The following ZFP92 variants were observed in gnomAD, a reference collection of about 807,000 sequenced individuals.
ZFP92 encodes the protein ZFP92 zinc finger protein.
In ZFP92, 2 loss-of-function variants were observed where a neutral mutation model predicts 7.6. That is an observed-to-expected ratio of 0.26 (90% CI 0.11 to 0.83). The LOEUF is 0.83. Ranked by LOEUF, ZFP92 falls within the 40% of genes least tolerant of loss-of-function variation. The pLI, the probability that ZFP92 is intolerant of heterozygous loss-of-function variation, is 0.65. For synonymous variants in ZFP92, 226 were observed against 183.6 expected (o/e 1.23, Z -1.87); for missense variants, 324 against 408.3 (o/e 0.79, Z 1.78).
chrX:153,417,353 C>T (rs2088960810), intron 2 of ZFP92, among the ~76,000 whole-genome samples: 3 of 112,391 alleles, frequency 2.7e-5, no homozygotes, highest in East Asian at 2.8e-4. Context: ...TGTTGGCTGG[C>T]TACTCTCTTT....
rs1372957407 is a variant in ZFP92 at position 153,422,496 on chromosome X, GCCCACTGC to G, written c.*870_*877del. On this transcript the variant is annotated 3_prime_UTR_variant, in exon 6 of 6. Coordinates refer to ENST00000338647, the MANE Select transcript of ZFP92 (RefSeq NM_001136273.2). Reference sequence around the variant, plus strand: ...CCAGGCTTTGCTTTCCCCCCTGCCCGCCCACTGCCTTCTGCTCCCCAGACCCCACCAGC... The same window carrying G: ...CCAGGCTTTGCTTTCCCCCCTGCCCGCTTCTGCTCCCCAGACCCCACCAGC... 9.3e-6 allele frequency: 1 copy of G among 107,080 alleles called. No individual in the cohort carries two copies. The highest frequency in any genetic ancestry group is 3.5e-5 in the African/African-American group (1 of 28,968). 8.8% of individuals were successfully genotyped at this position (107,080 alleles called of 1,213,427 possible).
intron 2 of ZFP92, among the ~76,000 whole-genome samples, chrX:153,417,900 G>T (rs1556974073): frequency 8.9e-6 from 1 of 111,879 alleles, no homozygotes; most frequent in African/African-American, 3.3e-5. Flanking sequence ...AACAGACCAG[G>T]GAAATTGGGA....
At chrX:153,417,748 A>G (rs782460779) in intron 2 of ZFP92, among the ~76,000 whole-genome samples, 1 of 112,188 alleles carries the variant, frequency 8.9e-6, no homozygotes, top group East Asian at 2.8e-4. Flanking sequence ...GGTGCCCCCC[A>G]AAAAGACATA....
chrX:153,418,230 G>T (rs946062016), intron 2 of ZFP92, 75 bp from the exon 3 acceptor site: 1 of 1,085,403 alleles, frequency 9.2e-7, no homozygotes, highest in Middle Eastern at 2.4e-4. Context: ...AACTAAGCAG[G>T]GTCTTCAAGC....
At chrX:153,420,083 G>T in intron 4 of ZFP92, 145 bp from the exon 5 acceptor site, 1 of 452,116 alleles carries the variant, frequency 2.2e-6, no homozygotes, top group Non-Finnish European at 3.6e-6. Context: ...AGAGGGACTT[G>T]GCCCTTTCTC....
At chrX:153,417,399 A>AT (rs2088961545) in intron 2 of ZFP92, among the ~76,000 whole-genome samples, 1 of 110,585 alleles carries the variant, frequency 9.0e-6, no homozygotes. Context: ...CCTGAATGTC[A>AT]CCCCTTCAGA....
chrX:153,420,263 T>C lies in ZFP92; in HGVS notation c.196T>C (p.Leu66=), dbSNP rs1255494692. 5.1e-6 allele frequency: 6 copies of C among 1,167,284 alleles called. No individual in the cohort carries two copies. The South Asian group carries it at 9.5e-5, about 18-fold the overall frequency. The part of the protein sequence containing the change: ...SFSKPHLISQ[L]ERGEGPWVAD... ...CTCCAAGCCTCACCTGATCTCCCAA[T>C]TGGAACGAGGGGAAGGACCCTGGGT... Residue 66 remains leucine, a synonymous_variant, in exon 5 of 6, where the codon TTG becomes CTG. Transcript: ENST00000338647.
intron 2 of ZFP92, among the ~76,000 whole-genome samples, chrX:153,416,081 C>T (rs782767630): frequency 9.9e-5 from 11 of 111,410 alleles, no homozygotes; most frequent in South Asian, 3.8e-4. Flanking sequence ...GCAGAGGATA[C>T]GGGACCCGTT....
rs1320274174 is a variant in ZFP92, at chrX:153,411,620, T to C, written c.-151T>C. ...CCTGGGGACGCGGCCTCGGAGGGCT[T>C]CTAGGAGGAGGCGGCGGCCTTGGCC... On this transcript the variant is annotated 5_prime_UTR_variant, in exon 1 of 6. Coordinates refer to ENST00000338647, the MANE Select transcript of ZFP92 (RefSeq NM_001136273.2). Among the ~76,000 whole-genome samples the C allele has an allele frequency of 2.7e-5, 3 of 112,443 alleles. No individual in the cohort carries two copies. The highest frequency in any genetic ancestry group is 5.7e-5 in the Non-Finnish European group (3 of 52,979).
At position 153,421,554 on chromosome X, in the gene ZFP92, G is replaced by C; in HGVS notation, c.1177G>C (p.Gly393Arg). The C allele has an allele frequency of 9.2e-7, 1 of 1,089,859 alleles. No individual in the cohort carries two copies. Among genetic ancestry groups the C allele is most frequent in the Non-Finnish European group, 1.2e-6 (1 of 844,033 alleles). 89.8% of individuals were successfully genotyped at this position (1,089,859 alleles called of 1,213,427 possible). Residue 393 changes from glycine (G) to arginine (R), a missense_variant, in exon 6 of 6, where the codon GGG becomes CGG. Coordinates refer to ENST00000338647, the MANE Select transcript of ZFP92 (RefSeq NM_001136273.2). ...AGCGGGCCCTGGGAGCACCGGCCCTGGGAGCGCGGTGGCGGCCACCAGCCC... is the reference window on the plus strand; with the variant it reads ...AGCGGGCCCTGGGAGCACCGGCCCTCGGAGCGCGGTGGCGGCCACCAGCCC... ...RLAGPGSTGPGSAVAATSPPR... is the reference protein window; with the variant it reads ...RLAGPGSTGPRSAVAATSPPR...
In ZFP92 at chrX:153,420,389, A is replaced by C; in HGVS notation, c.265+57A>C. On this transcript the variant is annotated intron_variant, in intron 5 of 5. Transcript: ENST00000338647. ...CGGGGTAAAAAGAAATAGCAGTGGCAAAGGGGGCGGGGGAGGGTACCCTGC... is the reference window on the plus strand; with the variant it reads ...CGGGGTAAAAAGAAATAGCAGTGGCCAAGGGGGCGGGGGAGGGTACCCTGC... 4.8e-6 allele frequency: 5 copies of C among 1,049,941 alleles called. No individual in the cohort carries two copies. In the Admixed American group the frequency reaches 1.5e-4, roughly 30 times the overall value. The allele number at this position is 1,049,941 out of a possible 1,213,427, so 86.5% of individuals were successfully genotyped here. A position where few individuals can be genotyped will look rare whatever the true frequency, so the allele number is the denominator to read the frequency against.
At position 153,411,810 on chromosome X, in the gene ZFP92, A is replaced by C. The variant is rs1310091982; in HGVS notation, c.-68+107A>C. 2.7e-5 allele frequency among the ~76,000 whole-genome samples: 3 copies of C among 112,203 alleles called. 1 individual carries two copies. The highest frequency in any genetic ancestry group is 5.7e-5 in the Non-Finnish European group (3 of 53,027). On this transcript the variant is annotated intron_variant, in intron 1 of 5. Coordinates refer to ENST00000338647, the MANE Select transcript of ZFP92 (RefSeq NM_001136273.2). ...ACGAGGGAGCTGCGGCGGCGGCGAC[A>C]AGCAGGGACTCCCTGGGAGGCGGGC...
rs2089037116 is a variant in ZFP92, at chrX:153,425,577, A to G, written c.*3949A>G. On this transcript the variant is annotated 3_prime_UTR_variant, in exon 6 of 6. Coordinates refer to ENST00000338647, the MANE Select transcript of ZFP92 (RefSeq NM_001136273.2). ...TGACTACCACAGGGTTTGAATTTACACACTGACCACCACAAATTTTATAAC... is the reference window on the plus strand; with the variant it reads ...TGACTACCACAGGGTTTGAATTTACGCACTGACCACCACAAATTTTATAAC... 1 of 111,916 alleles carries G rather than the reference A, an allele frequency of 8.9e-6. No individual in the cohort carries two copies. Among genetic ancestry groups the G allele is most frequent in the Non-Finnish European group, 1.9e-5 (1 of 53,104 alleles). 9.2% of individuals were successfully genotyped at this position (111,916 alleles called of 1,213,427 possible). A position where few individuals can be genotyped will look rare whatever the true frequency, so the allele number is the denominator to read the frequency against.
intron 2 of ZFP92, among the ~76,000 whole-genome samples, chrX:153,417,997 G>C (rs186787691): frequency 8.9e-6 from 1 of 112,184 alleles, no homozygotes; most frequent in East Asian, 2.8e-4. Flanking sequence ...AAAATGGCGA[G>C]AAAGGGGCTT....
chrX:153,417,891 A>G (rs2088966023), intron 2 of ZFP92, among the ~76,000 whole-genome samples: 1 of 112,039 alleles, frequency 8.9e-6, no homozygotes, highest in African/African-American at 3.2e-5. Flanking sequence ...GGCATTCACA[A>G]CAGACCAGGG....
intron 4 of ZFP92, among the ~76,000 whole-genome samples, chrX:153,419,777 A>G (rs1417063616): frequency 1.8e-5 from 2 of 112,446 alleles, no homozygotes; most frequent in Non-Finnish European, 3.8e-5. Context: ...TCTGACACTC[A>G]CCAGGCAGAC....
intron 2 of ZFP92, among the ~76,000 whole-genome samples, chrX:153,418,020 G>C (rs985541805): frequency 3.6e-5 from 4 of 111,960 alleles, no homozygotes; most frequent in Non-Finnish European, 7.5e-5. Flanking sequence ...GTGGAGCGGG[G>C]GCCTGCCAGC....
rs1157688665 is a variant in ZFP92 at position 153,423,311 on chromosome X, G to A, written c.*1683G>A. 2 of 109,852 alleles carry A rather than the reference G, an allele frequency of 1.8e-5. No individual in the cohort carries two copies. Among genetic ancestry groups the A allele is most frequent in the African/African-American group, 6.7e-5 (2 of 30,035 alleles). 9.1% of individuals were successfully genotyped at this position (109,852 alleles called of 1,213,427 possible). On this transcript the variant is annotated 3_prime_UTR_variant, in exon 6 of 6. Coordinates refer to ENST00000338647, the MANE Select transcript of ZFP92 (RefSeq NM_001136273.2). Reference sequence around the variant, plus strand: ...CAGCTGGCTCCTATCAGGAGAGTGTGGGAAGACCCAAACATACAGGATTCC... The same window carrying A: ...CAGCTGGCTCCTATCAGGAGAGTGTAGGAAGACCCAAACATACAGGATTCC...
chrX:153,420,913 C>T lies in ZFP92; in HGVS notation c.536C>T (p.Pro179Leu), dbSNP rs1203389107. ...CGCATCATCCACAGTGGCGAGAAGC[C>T]TTACGCGTGCCCCGAGTGCGGCAAG... is the stretch of plus-strand genomic sequence containing the variant. ...KHRIIHSGEK[P>L]YACPECGKLF... Residue 179 changes from proline to leucine, a missense_variant, in exon 6 of 6, where the codon CCT becomes CTT. Physicochemically the swap from Pro to Leu is moderately conservative, Grantham distance 98 (BLOSUM62 -3). Transcript: ENST00000338647. 56 of 1,188,425 alleles carry T rather than the reference C, an allele frequency of 4.7e-5. No individual in the cohort carries two copies. Among genetic ancestry groups the T allele is most frequent in the Non-Finnish European group, 6.2e-5 (55 of 883,976 alleles).
Sources: allele counts gnomAD v4.1 joint callset (sites outside exome capture counted in the v4.1 genomes callset), GRCh38; gene constraint gnomAD v4.1.1; transcripts MANE v1.5; gene names NCBI Gene and HGNC (gene_info 2026-07-23, HGNC 2026-07-21).